Variants in SLC7A14 observed in about 807,000 individuals in gnomAD.
SLC7A14 encodes solute carrier family 7 member 14.
Under a neutral mutation model 60.2 loss-of-function variants are expected in SLC7A14, and 37 were observed. The observed-to-expected ratio is 0.61, with a 90% CI of 0.47 to 0.81. The LOEUF (loss-of-function observed/expected upper bound fraction) is 0.81. SLC7A14 is among the 30% of genes least tolerant of loss of function. SLC7A14 has a pLI of 0.00. For synonymous variants in SLC7A14, 399 were observed against 395.8 expected, an observed-to-expected ratio of 1.01 and a Z score of -0.10; for missense variants, 886 against 982.7, an observed-to-expected ratio of 0.90 and a Z score of 1.32.
Position 170,498,859 on chromosome 3 carries a change from G to A in SLC7A14, c.567C>T (p.Asp189=). The change falls in exon 4 of 8, where the codon GAC becomes GAT. Residue 189 remains aspartate, a synonymous_variant. Transcript: ENST00000231706. The stretch of plus-strand genomic sequence containing the variant: ...TGACCGCGATCAACAGAGCCAGAAG[G>A]TCTGGGTATGATTCTTCACCTTTCC... The part of the protein sequence containing the change: ...GLGKGEESYP[D]LLALLIAVIV... The A allele has an allele frequency of 1.2e-6, 2 of 1,614,140 alleles. No individual in the cohort carries two copies. The highest frequency in any genetic ancestry group is 1.3e-5 in the African/African-American group (1 of 75,024).
intron 1 of SLC7A14, among the ~76,000 whole-genome samples, chr3:170,553,282 A>G (rs1714398445): frequency 6.6e-6 from 1 of 152,204 alleles, no homozygotes; most frequent in Non-Finnish European, 1.5e-5. Flanking sequence ...CAGTATTGCC[A>G]TATGTTCTTA....
intron 4 of SLC7A14, chr3:170,496,720 C>T: frequency 1.2e-6 from 1 of 807,530 alleles, no homozygotes; most frequent in Non-Finnish European, 2.2e-6. Flanking sequence ...CTATGGGGGC[C>T]TCACAAGCCC....
At chr3:170,534,664 A>G (rs143001596) in intron 1 of SLC7A14, among the ~76,000 whole-genome samples, 62 of 152,334 alleles carry the variant, frequency 4.1e-4, no homozygotes, top group Non-Finnish European at 8.2e-4. Context: ...TTAATTCTTT[A>G]AAGATATAAA....
Position 170,561,741 on chromosome 3 carries a change from C to A in SLC7A14, c.-153+24170G>T, listed in dbSNP as rs142923926. Among the ~76,000 whole-genome samples, 3 of 152,084 alleles carry A rather than the reference C, an allele frequency of 2.0e-5. No individual in the cohort carries two copies. In the East Asian group the frequency reaches 5.8e-4, roughly 29 times the overall value. ...GGAGAAAATCTTCACAATCTATACA[C>A]CTGGCAAAGGACTAATATCCAGAAT... On this transcript the variant is annotated intron_variant, in intron 1 of 7. Coordinates refer to ENST00000231706, the MANE Select transcript of SLC7A14 (RefSeq NM_020949.3).
rs145591106 is a variant in SLC7A14 at position 170,559,719 on chromosome 3, G to C, written c.-153+26192C>G. Among the ~76,000 whole-genome samples, 346 of 152,282 alleles carry C rather than the reference G, an allele frequency of 2.3e-3. 1 individual carries two copies. The highest frequency in any genetic ancestry group is 7.9e-3 in the African/African-American group (329 of 41,550). On this transcript the variant is annotated intron_variant, in intron 1 of 7. Coordinates refer to ENST00000231706, the MANE Select transcript of SLC7A14 (RefSeq NM_020949.3). ...TCAAGTGACATAATACAGTTTATCT[G>C]TCACTCTCTCTTCCTTTCCCTCTTT...
At chr3:170,534,095 A>G (rs1444915043) in intron 1 of SLC7A14, among the ~76,000 whole-genome samples, 2 of 152,226 alleles carry the variant, frequency 1.3e-5, no homozygotes, top group African/African-American at 4.8e-5. Context: ...TGAGTATATT[A>G]ATCAGCTTTT....
Position 170,567,222 on chromosome 3 carries a change from C to T in SLC7A14, c.-153+18689G>A, listed in dbSNP as rs189982472. Among the ~76,000 whole-genome samples, 8 of 146,066 alleles carry T rather than the reference C, an allele frequency of 5.5e-5. No individual in the cohort carries two copies. In the East Asian group the frequency reaches 1.2e-3, roughly 22 times the overall value. ...CCCTTCCTGTGTCCATGTGTTCTCACTGTTCAATTCCCACCTATGAGTGAG... is the reference window on the plus strand; with the variant it reads ...CCCTTCCTGTGTCCATGTGTTCTCATTGTTCAATTCCCACCTATGAGTGAG... On this transcript the variant is annotated intron_variant, in intron 1 of 7. Coordinates refer to ENST00000231706, the MANE Select transcript of SLC7A14 (RefSeq NM_020949.3).
At chr3:170,467,561 T>C (rs1189500578) in intron 7 of SLC7A14, among the ~76,000 whole-genome samples, 184 bp from the exon 8 acceptor site, 1 of 152,190 alleles carries the variant, frequency 6.6e-6, no homozygotes, top group East Asian at 1.9e-4. Context: ...CTTTTAAAAA[T>C]TGGGAGATCT....
chr3:170,552,541 A>G (rs1293260548), intron 1 of SLC7A14, among the ~76,000 whole-genome samples: 1 of 152,208 alleles, frequency 6.6e-6, no homozygotes, highest in African/African-American at 2.4e-5. Context: ...TATATTTGAA[A>G]GCGAATTCTT....
At chr3:170,553,584 C>G (rs866422676) in intron 1 of SLC7A14, among the ~76,000 whole-genome samples, 1 of 152,192 alleles carries the variant, frequency 6.6e-6, no homozygotes, top group African/African-American at 2.4e-5. Context: ...CAGTTTAAAA[C>G]TCAAATATCC....
intron 4 of SLC7A14, among the ~76,000 whole-genome samples, chr3:170,493,194 C>T (rs996617096): frequency 6.6e-6 from 1 of 152,198 alleles, no homozygotes; most frequent in Non-Finnish European, 1.5e-5. Context: ...AGCAGGGGTT[C>T]AGCTGAAGGC....
At chr3:170,529,478 C>A (rs1458503393) in intron 1 of SLC7A14, among the ~76,000 whole-genome samples, 1 of 152,148 alleles carries the variant, frequency 6.6e-6, no homozygotes, top group Admixed American at 6.5e-5. Flanking sequence ...AGAAACTATA[C>A]AAAGCATCTT....
chr3:170,465,572 G>T lies in SLC7A14; in HGVS notation c.*1483C>A, dbSNP rs566162160. 2.0e-5 allele frequency: 3 copies of T among 152,344 alleles called. No homozygotes were observed. In the South Asian group the frequency reaches 6.2e-4, roughly 32 times the overall value. The allele number at this position is 152,344 out of a possible 1,614,324, so 9.4% of individuals were successfully genotyped here. A position where few individuals can be genotyped will look rare whatever the true frequency, so the allele number is the denominator to read the frequency against. ...GCGAATATGTTCTGGAAAACGTTTG[G>T]CATACTGATACATCCAGGAGAGAAA... On this transcript the variant is annotated 3_prime_UTR_variant, in exon 8 of 8. Coordinates refer to ENST00000231706, the MANE Select transcript of SLC7A14 (RefSeq NM_020949.3).
At chr3:170,522,308 A>C (rs1713362310) in intron 2 of SLC7A14, among the ~76,000 whole-genome samples, 1 of 152,206 alleles carries the variant, frequency 6.6e-6, no homozygotes, top group African/African-American at 2.4e-5. Flanking sequence ...GAGAAACCAC[A>C]ACTTGTGTTT....
intron 7 of SLC7A14, among the ~76,000 whole-genome samples, chr3:170,470,254 A>ATG (rs1316390531): frequency 2.0e-5 from 3 of 151,256 alleles, no homozygotes; most frequent in Non-Finnish European, 2.9e-5. Flanking sequence ...TGCAGTAAAC[A>ATG]TGTGATAAGA....
chr3:170,527,274 C>T (rs1384780128), intron 1 of SLC7A14, among the ~76,000 whole-genome samples, 186 bp from the exon 2 acceptor site: 3 of 152,196 alleles, frequency 2.0e-5, no homozygotes, highest in Admixed American at 6.5e-5. Flanking sequence ...ACTGCCGGCG[C>T]GTGCACTGTG....
chr3:170,531,638 A>G (rs1231246037), intron 1 of SLC7A14, among the ~76,000 whole-genome samples: 1 of 152,164 alleles, frequency 6.6e-6, no homozygotes, highest in African/African-American at 2.4e-5. Context: ...AAAAGAAAAC[A>G]TGCTTCTAGG....
intron 5 of SLC7A14, among the ~76,000 whole-genome samples, chr3:170,485,448 C>T (rs1352146316): frequency 6.6e-6 from 1 of 152,160 alleles, no homozygotes; most frequent in East Asian, 1.9e-4. Context: ...CCCTCAGGAC[C>T]TGAGAATGTT....
At chr3:170,548,974 C>T (rs897466695) in intron 1 of SLC7A14, among the ~76,000 whole-genome samples, 2 of 152,068 alleles carry the variant, frequency 1.3e-5, no homozygotes, top group African/African-American at 2.4e-5. Context: ...CTGTAGTGTC[C>T]CTGATACCAA....
Sources: allele counts gnomAD v4.1 joint callset (sites outside exome capture counted in the v4.1 genomes callset), GRCh38; gene constraint gnomAD v4.1.1; transcripts MANE v1.5; gene names NCBI Gene and HGNC (gene_info 2026-07-23, HGNC 2026-07-21).